DCAF8L2: variants seen among roughly 807,000 people sequenced by gnomAD.
DCAF8L2 encodes the protein DDB1- and CUL4-associated factor 8-like protein 2.
For synonymous variants in DCAF8L2, 200 were observed against 190.9 expected, an observed-to-expected ratio of 1.05 and a Z score of -0.39; for missense variants, 430 against 490.7, an observed-to-expected ratio of 0.88 and a Z score of 1.17.
chrX:27,486,185 T>C, the DCAF8L2 span, among the ~76,000 whole-genome samples: 1 of 108,824 alleles, frequency 9.2e-6, no homozygotes, highest in African/African-American at 3.3e-5. Context: ...TTTGTATTTT[T>C]AGTAGAGAGG....
chrX:27,510,644 T>C, the DCAF8L2 span, among the ~76,000 whole-genome samples: 888 of 109,775 alleles, frequency 8.1e-3, 10 homozygotes, highest in African/African-American at 0.028. Context: ...TTGGTTTCTA[T>C]GTAAGCTATA....
At chrX:27,627,199 A>T (rs1190337697) in intron 1 of DCAF8L2, among the ~76,000 whole-genome samples, 1 of 111,444 alleles carries the variant, frequency 9.0e-6, no homozygotes, top group Non-Finnish European at 1.9e-5. Flanking sequence ...TTTTTCTACA[A>T]TTATCCAAGC....
At chrX:27,474,085 A>T in the DCAF8L2 span, among the ~76,000 whole-genome samples, 1 of 111,218 alleles carries the variant, frequency 9.0e-6, no homozygotes, top group South Asian at 3.8e-4. Flanking sequence ...GGGTATTCTC[A>T]GTTATTTCAG....
chrX:27,614,241 G>T (rs1210375286), intron 1 of DCAF8L2, among the ~76,000 whole-genome samples: 1 of 110,587 alleles, frequency 9.0e-6, no homozygotes, highest in Non-Finnish European at 1.9e-5. Flanking sequence ...TATTTGCATA[G>T]AGGTGTTTAT....
intron 3 of DCAF8L2, among the ~76,000 whole-genome samples, chrX:27,701,718 A>G (rs1277776457): frequency 1.8e-5 from 2 of 111,221 alleles, no homozygotes; most frequent in African/African-American, 6.5e-5. Flanking sequence ...AGCTATAAGT[A>G]GTGCTTAATT....
chrX:27,625,106 G>A (rs1352072845), intron 1 of DCAF8L2, among the ~76,000 whole-genome samples: 1 of 111,667 alleles, frequency 9.0e-6, no homozygotes. Context: ...TCAAACAAAG[G>A]TCTAATATCC....
chrX:27,569,985 T>G, the DCAF8L2 span, among the ~76,000 whole-genome samples: 1 of 111,962 alleles, frequency 8.9e-6, no homozygotes, highest in Non-Finnish European at 1.9e-5. Context: ...GATTCAACTT[T>G]TTGAAGCTTA....
At chrX:27,622,360 G>C (rs1006410721) in intron 1 of DCAF8L2, among the ~76,000 whole-genome samples, 3 of 105,622 alleles carry the variant, frequency 2.8e-5, no homozygotes, top group Admixed American at 9.9e-5. Context: ...AGGAGGCGGA[G>C]CTTGCAGTGA....
the DCAF8L2 span, among the ~76,000 whole-genome samples, chrX:27,530,611 A>G: frequency 9.0e-6 from 1 of 111,188 alleles, no homozygotes; most frequent in East Asian, 2.8e-4. Context: ...GTGGTGCCTC[A>G]AGGAAAGAGT....
intron 2 of DCAF8L2, among the ~76,000 whole-genome samples, chrX:27,674,169 C>T (rs748547481): frequency 9.0e-6 from 1 of 111,503 alleles, no homozygotes; most frequent in East Asian, 2.8e-4. Context: ...GGCAAGTTAA[C>T]TTTCTTATGC....
the DCAF8L2 span, among the ~76,000 whole-genome samples, chrX:27,497,178 C>T: frequency 4.5e-5 from 5 of 111,112 alleles, no homozygotes; most frequent in Non-Finnish European, 7.5e-5. Flanking sequence ...TGAAGCTACA[C>T]GCGATAGAAT....
At chrX:27,525,058 G>A in the DCAF8L2 span, among the ~76,000 whole-genome samples, 1 of 111,755 alleles carries the variant, frequency 8.9e-6, no homozygotes, top group Non-Finnish European at 1.9e-5. Context: ...GCTTGGTGCA[G>A]AGCTGAGCTC....
At chrX:27,597,093 T>C (rs1467040731) in intron 1 of DCAF8L2, among the ~76,000 whole-genome samples, 2 of 111,914 alleles carry the variant, frequency 1.8e-5, no homozygotes. Context: ...ATGAAATATT[T>C]TTACTGACTT....
At chrX:27,686,799 C>T (rs924071467) in intron 3 of DCAF8L2, among the ~76,000 whole-genome samples, 2 of 112,015 alleles carry the variant, frequency 1.8e-5, no homozygotes, top group Non-Finnish European at 3.8e-5. Flanking sequence ...CACCAGAGAA[C>T]GGTTTTGTAG....
intron 2 of DCAF8L2, among the ~76,000 whole-genome samples, chrX:27,670,704 A>T (rs1929922557): frequency 9.0e-6 from 1 of 110,993 alleles, no homozygotes; most frequent in Non-Finnish European, 1.9e-5. Flanking sequence ...TGTTTGGGTT[A>T]TGAGAAGGGA....
intron 4 of DCAF8L2, among the ~76,000 whole-genome samples, chrX:27,724,306 AAAAT>A (rs1247239944): frequency 9.0e-6 from 1 of 111,295 alleles, no homozygotes; most frequent in African/African-American, 3.2e-5. Context: ...CATATGAAGA[AAAAT>A]AAGATTTACT....
At chrX:27,678,923 C>G (rs959401354) in intron 3 of DCAF8L2, among the ~76,000 whole-genome samples, 2 of 111,421 alleles carry the variant, frequency 1.8e-5, no homozygotes, top group African/African-American at 6.5e-5. Context: ...AAAGTGTCAT[C>G]ATTGTGTTTA....
chrX:27,703,896 T>G (rs1931223152), intron 3 of DCAF8L2, among the ~76,000 whole-genome samples: 1 of 109,352 alleles, frequency 9.1e-6, no homozygotes, highest in Non-Finnish European at 1.9e-5. Flanking sequence ...TAAATTGAAC[T>G]TCATCAAAAT....
At position 27,748,720 on chromosome X, in the gene DCAF8L2, G is replaced by A. The variant is rs903803033; in HGVS notation, c.1825G>A (p.Asp609Asn). Residue 609 changes from aspartate (D) to asparagine (N), a missense_variant, in exon 5 of 5, where the codon GAT (aspartate) becomes AAT (asparagine). Physicochemically the swap from Asp to Asn is conservative, Grantham distance 23. Coordinates refer to ENST00000451261, the MANE Select transcript of DCAF8L2 (RefSeq NM_001353450.2). ...GEAEFPDEES[D>N]ESSSTSETSE... The stretch of plus-strand genomic sequence containing the variant: ...AGCTGAATTTCCAGATGAAGAATCG[G>A]ATGAGTCTTCCAGCACTTCAGAGAC... 6 of 1,197,434 alleles carry A rather than the reference G, an allele frequency of 5.0e-6. No individual in the cohort carries two copies. Among genetic ancestry groups the A allele is most frequent in the Middle Eastern group, 2.3e-4 (1 of 4,311 alleles).
Sources: allele counts gnomAD v4.1 joint callset (sites outside exome capture counted in the v4.1 genomes callset), GRCh38; gene constraint gnomAD v4.1.1; transcripts MANE v1.5; gene names NCBI Gene and HGNC (gene_info 2026-07-23, HGNC 2026-07-21).